The following IFT74 variants were observed in gnomAD, a reference collection of about 807,000 sequenced individuals.
The protein encoded by IFT74 is intraflagellar transport protein 74 homolog.
IFT74 carries 92 observed loss-of-function variants against 96.7 expected under a neutral mutation model. The observed-to-expected ratio is 0.95, with a 90% CI of 0.80 to 1.13. IFT74 has a LOEUF of 1.13. Among genes scored for constraint, IFT74 ranks in the 50% most tolerant of loss-of-function variants. The pLI is 0.00. For missense variants in IFT74, 811 were observed against 698.2 expected (o/e 1.16, Z -1.82); for synonymous variants, 223 against 213.2 (o/e 1.05, Z -0.40).
At chr9:27,048,421 G>T in intron 16 of IFT74, 147 bp downstream of exon 16, 2 of 563,100 alleles carry the variant, frequency 3.6e-6, no homozygotes, top group Non-Finnish European at 6.2e-6. Flanking sequence ...TCATCAGCTG[G>T]CTAGTATTAT....
In IFT74 at chr9:26,999,848, T is replaced by G. The variant is rs575526424; in HGVS notation, c.588-9172T>G. On this transcript the variant is annotated intron_variant, in intron 8 of 19. Coordinates refer to ENST00000380062, the MANE Select transcript of IFT74 (RefSeq NM_025103.4). ...ACCTGGTGGCATGGTCACAGCTCACTGCAGCCTTGATCTCCCAGGCTTAAG... is the reference window on the plus strand; with the variant it reads ...ACCTGGTGGCATGGTCACAGCTCACGGCAGCCTTGATCTCCCAGGCTTAAG... The G allele has an allele frequency of 4.9e-4, 267 of 544,698 alleles. 1 individual carries two copies. The South Asian group carries it at 7.7e-3, about 16-fold the overall frequency. The allele number at this position is 544,698 out of a possible 1,614,324, so 33.7% of individuals were successfully genotyped here.
At chr9:27,036,188 C>A (rs941125245) in intron 13 of IFT74, among the ~76,000 whole-genome samples, 6 of 152,070 alleles carry the variant, frequency 3.9e-5, no homozygotes, top group Non-Finnish European at 8.8e-5. Context: ...ATTGAGTAGA[C>A]TGAGGAAGAG....
At chr9:27,026,034 A>G (rs1341368265) in intron 12 of IFT74, among the ~76,000 whole-genome samples, 2 of 152,186 alleles carry the variant, frequency 1.3e-5, no homozygotes, top group African/African-American at 4.8e-5. Flanking sequence ...ACTTAAATAT[A>G]CAGAATAACG....
chr9:26,996,439 G>C, intron 8 of IFT74: 1 of 1,588,712 alleles, frequency 6.3e-7, no homozygotes, highest in Non-Finnish European at 8.6e-7. Flanking sequence ...ATGAGGTACT[G>C]TTTTGATATT....
Position 27,005,356 on chromosome 9 carries a change from C to A in IFT74, c.588-3664C>A, listed in dbSNP as rs1271920637. Among the ~76,000 whole-genome samples, 7 of 43,946 alleles carry A rather than the reference C, an allele frequency of 1.6e-4. 1 individual carries two copies. The highest frequency in any genetic ancestry group is 1.4e-3 in the Admixed American group (5 of 3,590). 28.8% of individuals were successfully genotyped at this position (43,946 alleles called of 152,430 possible). A position where few individuals can be genotyped will look rare whatever the true frequency, so the allele number is the denominator to read the frequency against. On this transcript the variant is annotated intron_variant, in intron 8 of 19. Transcript: ENST00000380062. ...GATTGGCTAGATGAAACCATTTCCC[C>A]CCCCGCCCCCCGCAAAACAATTACT...
At chr9:27,036,447 C>T in intron 13 of IFT74, 2 of 1,613,396 alleles carry the variant, frequency 1.2e-6, no homozygotes, top group Non-Finnish European at 1.7e-6. Context: ...TCTTCATCTG[C>T]AGATCCTACC....
chr9:26,962,856 G>C (rs1180356113), intron 2 of IFT74, among the ~76,000 whole-genome samples: 1 of 149,662 alleles, frequency 6.7e-6, no homozygotes, highest in Non-Finnish European at 1.5e-5. Flanking sequence ...ATGACAACTG[G>C]TAAAAACATT....
At chr9:26,968,444 T>C (rs976511050) in intron 2 of IFT74, among the ~76,000 whole-genome samples, 4 of 152,100 alleles carry the variant, frequency 2.6e-5, no homozygotes, top group African/African-American at 9.7e-5. Flanking sequence ...ATATTTTTAG[T>C]AGAGACTGGG....
Position 27,060,581 on chromosome 9 carries a change from A to C in IFT74, c.1624-10A>C. The C allele has an allele frequency of 2.5e-6, 4 of 1,576,790 alleles. No individual in the cohort carries two copies. The highest frequency in any genetic ancestry group is 2.3e-5 in the South Asian group (2 of 87,156). On this transcript the variant is annotated splice_polypyrimidine_tract_variant and intron_variant, in intron 18 of 19. Coordinates refer to ENST00000380062, the MANE Select transcript of IFT74 (RefSeq NM_025103.4). ...GGGTCCTAATTAATATTTTTCTTTT[A>C]TGTTTTTAGCTTACAAATTTGGAGA... is the stretch of plus-strand genomic sequence containing the variant.
intron 8 of IFT74, chr9:26,995,355 C>T (rs1381871837): frequency 1.8e-6 from 1 of 544,992 alleles, no homozygotes; most frequent in Non-Finnish European, 3.3e-6. Context: ...GTATTTGAAC[C>T]TGCTTGCTCA....
At chr9:26,948,455 T>TATTA (rs1825824692) in intron 1 of IFT74, among the ~76,000 whole-genome samples, 1 of 39,916 alleles carries the variant, frequency 2.5e-5, no homozygotes, top group Non-Finnish European at 3.9e-5. Context: ...ATTATTTTTT[T>TATTA]TTTTTTTTTT....
At chr9:26,986,679 G>A (rs1477295411) in intron 6 of IFT74, among the ~76,000 whole-genome samples, 2 of 152,070 alleles carry the variant, frequency 1.3e-5, no homozygotes, top group African/African-American at 4.8e-5. Context: ...CTGAAGTGCA[G>A]TAGCATGATT....
chr9:26,984,018 A>C, intron 4 of IFT74: 1 of 284,984 alleles, frequency 3.5e-6, no homozygotes. Context: ...TCCTGACCTC[A>C]CGTGATGCGC....
At chr9:27,055,253 G>T (rs777769584) in intron 16 of IFT74, among the ~76,000 whole-genome samples, 4 of 151,920 alleles carry the variant, frequency 2.6e-5, no homozygotes, top group East Asian at 1.9e-4. Flanking sequence ...TTATAACTTG[G>T]TTTTTTCCCT....
rs1825770124 is a variant in IFT74, at chr9:26,947,316, C to A, written c.-20+170C>A. On this transcript the variant is annotated intron_variant, in intron 1 of 19. Transcript: ENST00000433700. ...AGTGTGTGCGTCCCAACCGCCGACGCCGATGCGGAGCTGAGCTGGCTTTCC... is the reference window on the plus strand; with the variant it reads ...AGTGTGTGCGTCCCAACCGCCGACGACGATGCGGAGCTGAGCTGGCTTTCC... 5 of 460,422 alleles carry A rather than the reference C, an allele frequency of 1.1e-5. No individual in the cohort carries two copies. In the East Asian group the frequency reaches 1.9e-4, roughly 18 times the overall value. 28.5% of individuals were successfully genotyped at this position (460,422 alleles called of 1,614,324 possible). A position where few individuals can be genotyped will look rare whatever the true frequency, so the allele number is the denominator to read the frequency against.
At position 27,042,986 on chromosome 9, in the gene IFT74, A is replaced by G. The variant is rs78246092; in HGVS notation, c.1055-1756A>G. Among the ~76,000 whole-genome samples, 698 of 152,350 alleles carry G rather than the reference A, an allele frequency of 4.6e-3. 5 individuals are homozygous for G. Among genetic ancestry groups the G allele is most frequent in the Middle Eastern group, 0.01 (3 of 294 alleles). On this transcript the variant is annotated intron_variant, in intron 13 of 19. Coordinates refer to ENST00000380062, the MANE Select transcript of IFT74 (RefSeq NM_025103.4). ...TATAAACACACACACATATACAGACAAAGTTTGTTTAATAACAGAGTACCT... is the reference window on the plus strand; with the variant it reads ...TATAAACACACACACATATACAGACGAAGTTTGTTTAATAACAGAGTACCT...
intron 1 of IFT74, among the ~76,000 whole-genome samples, chr9:26,958,660 G>T (rs1354754059): frequency 6.6e-6 from 1 of 152,150 alleles, no homozygotes; most frequent in Non-Finnish European, 1.5e-5. Flanking sequence ...TTGAGCAGAT[G>T]ATAATGAGTT....
In IFT74 at chr9:27,033,551, A is replaced by G. The variant is rs374478696; in HGVS notation, c.1054+4447A>G. 6.8e-5 allele frequency among the ~76,000 whole-genome samples: 10 copies of G among 147,874 alleles called. No homozygotes were observed. The East Asian group carries it at 1.2e-3, about 18-fold the overall frequency. ...ATCATGCCACTGCACTTCAGCCTGGATAACAAAGTGAGACCCTGTCTCAAA... is the reference window on the plus strand; with the variant it reads ...ATCATGCCACTGCACTTCAGCCTGGGTAACAAAGTGAGACCCTGTCTCAAA... On this transcript the variant is annotated intron_variant, in intron 13 of 19. Coordinates refer to ENST00000380062, the MANE Select transcript of IFT74 (RefSeq NM_025103.4).
intron 2 of IFT74, among the ~76,000 whole-genome samples, chr9:26,974,112 G>C (rs1563943146): frequency 6.6e-6 from 1 of 152,154 alleles, no homozygotes; most frequent in Non-Finnish European, 1.5e-5. Flanking sequence ...TGGAGGCTTG[G>C]TTCCTTTGAA....
Sources: allele counts gnomAD v4.1 joint callset (sites outside exome capture counted in the v4.1 genomes callset), GRCh38; gene constraint gnomAD v4.1.1; transcripts MANE v1.5; gene names NCBI Gene and HGNC (gene_info 2026-07-23, HGNC 2026-07-21).